MBNL3: variants seen among roughly 807,000 people sequenced by gnomAD.
MBNL3 encodes muscleblind-like protein 3.
A neutral mutation model predicts 24.5 loss-of-function variants in MBNL3; 6 were observed. That is an observed-to-expected ratio of 0.25 (90% CI 0.13 to 0.48). The LOEUF (loss-of-function observed/expected upper bound fraction) is 0.48, where lower values mean the gene tolerates loss of function less well. Among genes scored for constraint, MBNL3 ranks in the 20% least tolerant of loss-of-function variants. MBNL3 has a pLI of 0.99. For missense variants in MBNL3, 230 were observed against 293.5 expected (o/e 0.78, Z 1.58); for synonymous variants, 100 against 101.7 (o/e 0.98, Z 0.10).
At chrX:132,466,732 G>T (rs923443436) in intron 1 of MBNL3, among the ~76,000 whole-genome samples, 1 of 111,588 alleles carries the variant, frequency 9.0e-6, no homozygotes, top group Middle Eastern at 4.2e-3. Context: ...TGATGTTTAG[G>T]AAGCAATCTG....
intron 2 of MBNL3, chrX:132,430,023 C>T (rs1204796449): frequency 9.0e-6 from 1 of 111,123 alleles, no homozygotes; most frequent in African/African-American, 3.3e-5. Context: ...TGTATGAGCG[C>T]TTTCTTAACT....
intron 5 of MBNL3, among the ~76,000 whole-genome samples, chrX:132,390,231 C>CACAAA (rs1289064955): frequency 5.4e-5 from 5 of 92,623 alleles, no homozygotes; most frequent in African/African-American, 2.0e-4. Flanking sequence ...CAACCACCCC[C>CACAAA]ACAAAACAAA....
chrX:132,416,884 T>G (rs182212579), intron 2 of MBNL3, among the ~76,000 whole-genome samples: 1 of 112,145 alleles, frequency 8.9e-6, no homozygotes, highest in East Asian at 2.8e-4. Context: ...TTAGGCCAAC[T>G]TACTGTTTGT....
chrX:132,394,081 A>C (rs1197503705), intron 3 of MBNL3, among the ~76,000 whole-genome samples: 1 of 111,495 alleles, frequency 9.0e-6, no homozygotes, highest in Non-Finnish European at 1.9e-5. Context: ...TCTGGCACCA[A>C]AAAACTGGCA....
intron 2 of MBNL3, chrX:132,432,490 C>T (rs1480127168): frequency 9.0e-6 from 1 of 111,168 alleles, no homozygotes; most frequent in Non-Finnish European, 1.9e-5. Flanking sequence ...CCCTCACTCA[C>T]CCATCTACTG....
chrX:132,382,289 A>G lies in MBNL3; in HGVS notation c.959-17T>C, dbSNP rs1369340570. 4 of 1,164,997 alleles carry G rather than the reference A, an allele frequency of 3.4e-6. No individual in the cohort carries two copies. In the South Asian group the frequency reaches 5.7e-5, roughly 16 times the overall value. On this transcript the variant is annotated splice_polypyrimidine_tract_variant and intron_variant, in intron 7 of 8. Transcript: ENST00000370853. ...TCATGGGCACTTTCAGTTGAAAACC[A>G]TAGAAGCAACACACGGGAGGGTAGA...
intron 1 of MBNL3, among the ~76,000 whole-genome samples, chrX:132,453,813 C>T (rs1946233009): frequency 1.8e-5 from 2 of 111,270 alleles, no homozygotes; most frequent in Non-Finnish European, 3.8e-5. Context: ...TTCATGTGGA[C>T]GGGCATGGTG....
chrX:132,445,726 TA>T (rs1988360627), intron 1 of MBNL3, among the ~76,000 whole-genome samples: 1 of 111,848 alleles, frequency 8.9e-6, no homozygotes, highest in African/African-American at 3.3e-5. Context: ...ACATCTTTTT[TA>T]AAAAGATGTG....
At chrX:132,408,250 C>T (rs1327299381) in intron 2 of MBNL3, among the ~76,000 whole-genome samples, 3 of 105,088 alleles carry the variant, frequency 2.9e-5, no homozygotes, top group African/African-American at 1.0e-4. Context: ...CTGCATACTC[C>T]CAGTTAGGGC....
At chrX:132,449,981 C>A (rs1458411872) in intron 1 of MBNL3, among the ~76,000 whole-genome samples, 1 of 26,736 alleles carries the variant, frequency 3.7e-5, no homozygotes, top group Non-Finnish European at 7.1e-5. Flanking sequence ...AATATTGCCC[C>A]CCCCCCCCCC....
chrX:132,418,248 A>C (rs1398417315), intron 2 of MBNL3, among the ~76,000 whole-genome samples: 7 of 112,453 alleles, frequency 6.2e-5, no homozygotes, highest in African/African-American at 1.9e-4. Flanking sequence ...ATTTTTTAGA[A>C]TACTGTAAAC....
chrX:132,454,859 T>A (rs778538089), intron 1 of MBNL3, among the ~76,000 whole-genome samples: 2 of 112,412 alleles, frequency 1.8e-5, no homozygotes, highest in East Asian at 5.6e-4. Context: ...AGTCTTAAGC[T>A]CTACATTTCC....
chrX:132,463,066 T>A (rs1946708600), intron 1 of MBNL3, among the ~76,000 whole-genome samples: 1 of 112,582 alleles, frequency 8.9e-6, no homozygotes, highest in Admixed American at 9.4e-5. Context: ...ATGAGGTGAT[T>A]TAAAACATTT....
chrX:132,394,944 G>A (rs1043950895), intron 3 of MBNL3, among the ~76,000 whole-genome samples: 29 of 111,965 alleles, frequency 2.6e-4, no homozygotes, highest in Non-Finnish European at 4.9e-4. Flanking sequence ...AAAGTATTTA[G>A]ATTTTTCTAA....
At chrX:132,414,844 T>G (rs1041127985) in intron 2 of MBNL3, among the ~76,000 whole-genome samples, 1 of 111,327 alleles carries the variant, frequency 9.0e-6, no homozygotes, top group East Asian at 2.8e-4. Context: ...AATAGAAAAA[T>G]AGAGTGAACT....
chrX:132,402,269 T>C (rs1241016742), intron 3 of MBNL3, among the ~76,000 whole-genome samples: 1 of 112,350 alleles, frequency 8.9e-6, no homozygotes, highest in East Asian at 2.8e-4. Context: ...TAGGGGAATT[T>C]CCCAGGTTTT....
intron 2 of MBNL3, among the ~76,000 whole-genome samples, chrX:132,423,366 C>T (rs769871948): frequency 1.3e-4 from 14 of 111,221 alleles, no homozygotes; most frequent in African/African-American, 3.6e-4. Context: ...TGCCCCTCAG[C>T]TCTCCAATAA....
In MBNL3 at chrX:132,375,444, T is replaced by C. The variant is rs1376498484; in HGVS notation, c.*4222A>G. On this transcript the variant is annotated 3_prime_UTR_variant, in exon 9 of 9. Coordinates refer to ENST00000370853, the MANE Select transcript of MBNL3 (RefSeq NM_001386889.1). ...ACTTTCTTTAACTTTCCTTTGAAAT[T>C]AAATTGATTAGTTACTTAGAGCTAC... 9.0e-6 allele frequency: 1 copy of C among 111,375 alleles called. No homozygotes were observed. Among genetic ancestry groups the C allele is most frequent in the South Asian group, 3.8e-4 (1 of 2,666 alleles). The allele number at this position is 111,375 out of a possible 1,213,427, so 9.2% of individuals were successfully genotyped here.
In MBNL3 at chrX:132,383,802, G is replaced by A. The variant is rs1029540092; in HGVS notation, c.958+861C>T. Among the ~76,000 whole-genome samples, 4 of 111,718 alleles carry A rather than the reference G, an allele frequency of 3.6e-5. No individual in the cohort carries two copies. The East Asian group carries it at 1.1e-3, about 31-fold the overall frequency. ...TGCATCTATTCTGGTCCACCAAGGTGACAAAGGTCAATTTGTTGCAAACTC... is the reference window on the plus strand; with the variant it reads ...TGCATCTATTCTGGTCCACCAAGGTAACAAAGGTCAATTTGTTGCAAACTC... On this transcript the variant is annotated intron_variant, in intron 7 of 8. Transcript: ENST00000370853.
Sources: allele counts gnomAD v4.1 joint callset (sites outside exome capture counted in the v4.1 genomes callset), GRCh38; gene constraint gnomAD v4.1.1; transcripts MANE v1.5; gene names NCBI Gene and HGNC (gene_info 2026-07-23, HGNC 2026-07-21).